ZFAT: variants seen among roughly 807,000 people sequenced by gnomAD.
ZFAT encodes the protein zinc finger protein ZFAT.
Under a neutral mutation model 117.7 loss-of-function variants are expected in ZFAT, and 64 were observed. The ratio of observed to expected loss-of-function variants is 0.54; its 90% CI spans 0.44 to 0.67. The LOEUF (loss-of-function observed/expected upper bound fraction) is 0.67, where lower values mean the gene tolerates loss of function less well. ZFAT is among the 30% of genes least tolerant of loss of function. The pLI is 0.00. For missense variants in ZFAT, 1,433 were observed against 1,584.5 expected (o/e 0.90, Z 1.62); for synonymous variants, 679 against 615.0 (o/e 1.10, Z -1.54).
At chr8:134,831,695 G>C in the ZFAT span, among the ~76,000 whole-genome samples, 1 of 152,060 alleles carries the variant, frequency 6.6e-6, no homozygotes, top group Non-Finnish European at 1.5e-5. Context: ...CCCCGGGGAG[G>C]GGCCCACCTG....
At chr8:134,626,450 T>C (rs1438113499) in intron 3 of ZFAT, among the ~76,000 whole-genome samples, 3 of 152,176 alleles carry the variant, frequency 2.0e-5, no homozygotes, top group East Asian at 1.9e-4. Context: ...AAAAAGAGAA[T>C]GGTGCCCTGC....
intron 3 of ZFAT, among the ~76,000 whole-genome samples, chr8:134,618,958 CTA>C (rs1828924552): frequency 6.6e-6 from 1 of 152,172 alleles, no homozygotes; most frequent in African/African-American, 2.4e-5. Context: ...TAATAAATAA[CTA>C]AACCACACAG....
Position 134,601,801 on chromosome 8 carries a change from T to C in ZFAT, c.1918A>G (p.Ser640Gly), listed in dbSNP as rs1424969536. ...VITLLLSKAQSAGSDQESHGA... is the reference protein window; with the variant it reads ...VITLLLSKAQGAGSDQESHGA... ...TGGCTTTCCTGATCTGACCCAGCAC[T>C]CTGGGCCTTGGACAGCAGTAGTGTG... is the stretch of plus-strand genomic sequence containing the variant. Residue 640 changes from serine (S) to glycine (G), a missense_variant, in exon 6 of 16, where the codon AGT (serine) becomes GGT (glycine). Coordinates refer to ENST00000377838, the MANE Select transcript of ZFAT (RefSeq NM_020863.4). The C allele has an allele frequency of 1.2e-6, 2 of 1,613,774 alleles. No individual in the cohort carries two copies. Among genetic ancestry groups the C allele is most frequent in the Non-Finnish European group, 1.7e-6 (2 of 1,179,906 alleles).
chr8:134,666,460 G>C (rs960374793), intron 1 of ZFAT, among the ~76,000 whole-genome samples: 2 of 152,168 alleles, frequency 1.3e-5, no homozygotes, highest in African/African-American at 2.4e-5. Flanking sequence ...AATGAGAAAA[G>C]ACAATTAACA....
intron 13 of ZFAT, 79 bp from the exon 14 acceptor site, chr8:134,512,680 T>G: frequency 6.5e-7 from 1 of 1,532,362 alleles, no homozygotes; most frequent in Non-Finnish European, 8.8e-7. Context: ...CATACTAAGA[T>G]AGAACAAACG....
At chr8:134,699,864 G>C (rs1303409171) in intron 1 of ZFAT, among the ~76,000 whole-genome samples, 1 of 152,214 alleles carries the variant, frequency 6.6e-6, no homozygotes, top group African/African-American at 2.4e-5. Context: ...CATGCTGTCG[G>C]GATGGACAAG....
At chr8:134,818,312 A>G in the ZFAT span, among the ~76,000 whole-genome samples, 3 of 152,206 alleles carry the variant, frequency 2.0e-5, no homozygotes, top group Non-Finnish European at 4.4e-5. Flanking sequence ...TTAACGGGTA[A>G]AAGATTTGAA....
intron 1 of ZFAT, among the ~76,000 whole-genome samples, chr8:134,670,328 C>T (rs993994442): frequency 2.6e-5 from 4 of 152,250 alleles, no homozygotes; most frequent in Non-Finnish European, 5.9e-5. Flanking sequence ...CACACTTAAT[C>T]CAAAATTGAC....
intron 3 of ZFAT, among the ~76,000 whole-genome samples, chr8:134,616,195 A>G (rs1371410212): frequency 6.6e-6 from 1 of 152,254 alleles, no homozygotes; most frequent in Non-Finnish European, 1.5e-5. Context: ...CTCAACAGCC[A>G]CATGACTGTG....
At chr8:134,614,331 C>T (rs1828564656) in intron 3 of ZFAT, among the ~76,000 whole-genome samples, 1 of 152,192 alleles carries the variant, frequency 6.6e-6, no homozygotes, top group Non-Finnish European at 1.5e-5. Flanking sequence ...GTCCTGTTTA[C>T]AGCCCCTGGA....
At chr8:134,727,421 C>A in the ZFAT span, among the ~76,000 whole-genome samples, 1 of 152,312 alleles carries the variant, frequency 6.6e-6, no homozygotes, top group South Asian at 2.1e-4. Context: ...AGGGTCCTGT[C>A]ACTGCGCTGT....
intron 10 of ZFAT, among the ~76,000 whole-genome samples, chr8:134,576,394 G>GAC (rs1271494060): frequency 4.6e-5 from 7 of 152,118 alleles, no homozygotes; most frequent in Non-Finnish European, 1.0e-4. Context: ...CTCCAGCCCA[G>GAC]TGATAAGCAA....
chr8:134,495,779 A>C (rs1003878722), intron 15 of ZFAT, among the ~76,000 whole-genome samples: 2 of 152,112 alleles, frequency 1.3e-5, no homozygotes, highest in African/African-American at 4.8e-5. Context: ...AAGATACAAA[A>C]ATTAGCCAGG....
intron 11 of ZFAT, among the ~76,000 whole-genome samples, chr8:134,559,758 A>AT (rs1476288812): frequency 6.6e-5 from 10 of 151,460 alleles, no homozygotes; most frequent in South Asian, 2.1e-4. Context: ...TAGTTTTACT[A>AT]TTTTTTTTTA....
At chr8:134,745,311 T>C in the ZFAT span, among the ~76,000 whole-genome samples, 1 of 152,198 alleles carries the variant, frequency 6.6e-6, no homozygotes, top group South Asian at 2.1e-4. Context: ...GATCCAGGTA[T>C]CCTTGCACTG....
At chr8:134,783,114 C>T in the ZFAT span, among the ~76,000 whole-genome samples, 1 of 152,036 alleles carries the variant, frequency 6.6e-6, no homozygotes, top group East Asian at 1.9e-4. Flanking sequence ...CTATATCAAC[C>T]TTCTGTTACT....
At chr8:134,719,023 T>C in the ZFAT span, among the ~76,000 whole-genome samples, 2 of 152,300 alleles carry the variant, frequency 1.3e-5, no homozygotes, top group Non-Finnish European at 1.5e-5. Flanking sequence ...GAGCACACTG[T>C]CGCTTGTGAA....
rs768664817 is a variant in ZFAT at position 134,588,291 on chromosome 8, T to G, written c.2668A>C (p.Met890Leu). The change falls in exon 9 of 16, where the codon ATG becomes CTG. Residue 890 changes from methionine to leucine, a missense_variant. By Grantham distance (15) the Met-to-Leu change is conservative. This residue lies in a region of ZFAT where 503 missense variants were observed against 543.4 expected (regional missense o/e 0.93). Transcript: ENST00000377838. Reference sequence around the variant, plus strand: ...CGCTGAAGGTCTGAGCCATTCTTCATGAAATAAAAGTCACAATATGGGCAT... The same window carrying G: ...CGCTGAAGGTCTGAGCCATTCTTCAGGAAATAAAAGTCACAATATGGGCAT... ...MKCPYCDFYF[M>L]KNGSDLQRHI... 3 of 1,577,754 alleles carry G rather than the reference T, an allele frequency of 1.9e-6. No homozygotes were observed. Among genetic ancestry groups the G allele is most frequent in the African/African-American group, 2.7e-5 (2 of 74,128 alleles).
At chr8:134,510,603 G>A (rs573379067) in intron 14 of ZFAT, 94 of 163,234 alleles carry the variant, frequency 5.8e-4, no homozygotes, top group African/African-American at 2.1e-3. Flanking sequence ...ACAATGCATC[G>A]CCGGCACCCC....
Sources: gnomAD v4.1 joint callset for allele counts (sites outside exome capture counted in the v4.1 genomes callset) on GRCh38, gnomAD v4.1.1 for gene constraint, gnomAD v4.1.1 regional missense constraint, MANE v1.5 for transcripts, NCBI Gene and HGNC (gene_info 2026-07-23, HGNC 2026-07-21) for gene names.